Variants in ESR1 observed in about 807,000 individuals in gnomAD.
ESR1 encodes the protein estrogen receptor.
A neutral mutation model predicts 52.7 loss-of-function variants in ESR1; 12 were observed. The ratio of observed to expected loss-of-function variants is 0.23; its 90% CI spans 0.15 to 0.37. The LOEUF (loss-of-function observed/expected upper bound fraction) is 0.37, where lower values mean the gene tolerates loss of function less well. Among genes scored for constraint, ESR1 ranks in the 10% least tolerant of loss-of-function variants. The probability of loss-of-function intolerance (pLI) is 1.00; values close to 1 mark genes in which losing one functional copy is unlikely to be tolerated. For missense variants in ESR1, 584 were observed against 779.7 expected, an observed-to-expected ratio of 0.75 and a Z score of 2.99; for synonymous variants, 305 against 316.8, an observed-to-expected ratio of 0.96 and a Z score of 0.39.
chr6:151,899,318 C>T (rs1241001831), intron 3 of ESR1, among the ~76,000 whole-genome samples: 7 of 131,890 alleles, frequency 5.3e-5, no homozygotes, highest in African/African-American at 9.2e-5. Context: ...CCCCACCTCC[C>T]TCCCGGACGG....
At chr6:151,858,158 A>G (rs1788210822) in intron 2 of ESR1, among the ~76,000 whole-genome samples, 1 of 152,190 alleles carries the variant, frequency 6.6e-6, no homozygotes, top group African/African-American at 2.4e-5. Context: ...TTCATTATCC[A>G]TGAGCCCAAG....
rs769159395 is a variant in ESR1 at position 152,102,509 on chromosome 6, G to A, written c.*3543G>A. On this transcript the variant is annotated 3_prime_UTR_variant, in exon 8 of 8. Transcript: ENST00000206249. ...TCTCTTTGGTGCAGGTCTTGGGAGCGTGATCTAGATTACACTGCACCATTC... is the reference window on the plus strand; with the variant it reads ...TCTCTTTGGTGCAGGTCTTGGGAGCATGATCTAGATTACACTGCACCATTC... 9.5e-5 allele frequency: 20 copies of A among 209,742 alleles called. No homozygotes were observed. The highest frequency in any genetic ancestry group is 3.6e-4 in the African/African-American group (16 of 44,016). The allele number at this position is 209,742 out of a possible 1,614,324, so 13.0% of individuals were successfully genotyped here.
At chr6:152,038,610 AAATGCTGAT>A (rs1232250463) in intron 5 of ESR1, among the ~76,000 whole-genome samples, 1 of 152,234 alleles carries the variant, frequency 6.6e-6, no homozygotes, top group African/African-American at 2.4e-5. Flanking sequence ...AACAACACTT[AAATGCTGAT>A]ATGAAGTCAA....
chr6:151,978,143 G>A (rs1247302144), intron 4 of ESR1, among the ~76,000 whole-genome samples: 8 of 151,936 alleles, frequency 5.3e-5, no homozygotes, highest in Non-Finnish European at 7.4e-5. Context: ...AATGCACAAA[G>A]TCAACAGCTG....
At chr6:151,700,626 CCTG>C (rs1779697936) in intron 1 of ESR1, among the ~76,000 whole-genome samples, 1 of 151,252 alleles carries the variant, frequency 6.6e-6, no homozygotes, top group South Asian at 2.1e-4. Context: ...TTGGAGTGCA[CCTG>C]CTAATTCTGA....
rs112391637 is a variant in ESR1 at position 151,779,449 on chromosome 6, A to T, written c.-70-28394A>T. ...AAACCTCATTATCACTGGTCATTAG[A>T]GAAATGAAAATCAAAACCACAATGA... On this transcript the variant is annotated intron_variant, in intron 2 of 2. Coordinates refer to the ESR1 transcript ENST00000404742. 6.6e-4 allele frequency among the ~76,000 whole-genome samples: 101 copies of T among 152,350 alleles called. 1 individual carries two copies. The highest frequency in any genetic ancestry group is 2.4e-3 in the African/African-American group (100 of 41,584).
intron 2 of ESR1, among the ~76,000 whole-genome samples, chr6:151,736,747 CTAT>C (rs1418526152): frequency 1.3e-5 from 2 of 152,056 alleles, no homozygotes; most frequent in Non-Finnish European, 2.9e-5. Flanking sequence ...GTTGCAGTAA[CTAT>C]TATTATCCCC....
At chr6:151,775,988 T>C (rs1171331428) in intron 2 of ESR1, among the ~76,000 whole-genome samples, 1 of 152,154 alleles carries the variant, frequency 6.6e-6, no homozygotes, top group Non-Finnish European at 1.5e-5. Context: ...CAGTTTCATG[T>C]AAGAATGAAG....
chr6:152,121,396 A>G (rs140838748), intron 6 of ESR1, among the ~76,000 whole-genome samples: 12 of 152,266 alleles, frequency 7.9e-5, no homozygotes, highest in African/African-American at 2.9e-4. Flanking sequence ...AGCTCCTAGG[A>G]AGCCTCTCCC....
intron 1 of ESR1, among the ~76,000 whole-genome samples, chr6:151,695,457 A>G (rs563734066): frequency 5.6e-4 from 86 of 152,278 alleles, no homozygotes; most frequent in African/African-American, 2.0e-3. Flanking sequence ...CTGGAATAGG[A>G]GAGTGCCACT....
chr6:152,064,351 C>G (rs2047796173), intron 6 of ESR1, among the ~76,000 whole-genome samples: 1 of 152,208 alleles, frequency 6.6e-6, no homozygotes, highest in African/African-American at 2.4e-5. Flanking sequence ...CCACAGTATC[C>G]CCTCTGCCCA....
rs566213078 is a variant in ESR1 at position 151,778,773 on chromosome 6, C to T, written c.-70-29070C>T. ...TTGACAACTGTGAGATTTTGAATCT[C>T]AACTGTGAGATTATGGTTTGTGGAA... is the stretch of plus-strand genomic sequence containing the variant. On this transcript the variant is annotated intron_variant, in intron 2 of 2. Transcript: ENST00000404742. 7.9e-5 allele frequency among the ~76,000 whole-genome samples: 12 copies of T among 152,162 alleles called. No homozygotes were observed. The South Asian group carries it at 1.2e-3, about 16-fold the overall frequency.
intron 4 of ESR1, among the ~76,000 whole-genome samples, chr6:151,967,779 G>A (rs550896023): frequency 6.6e-6 from 1 of 152,240 alleles, no homozygotes; most frequent in African/African-American, 2.4e-5. Flanking sequence ...CACAATGGTT[G>A]ACTAATTTAC....
At chr6:151,902,117 T>C (rs563058460) in intron 3 of ESR1, among the ~76,000 whole-genome samples, 52 of 152,340 alleles carry the variant, frequency 3.4e-4, no homozygotes, top group African/African-American at 1.2e-3. Flanking sequence ...TACATGAAGG[T>C]GTTGTTGACA....
intron 2 of ESR1, among the ~76,000 whole-genome samples, chr6:151,747,205 G>A (rs1026138714): frequency 2.0e-5 from 3 of 152,110 alleles, no homozygotes; most frequent in Admixed American, 6.6e-5. Context: ...AGAACATTTC[G>A]TACCCAGAAA....
At chr6:151,711,817 A>G (rs920316146) in intron 2 of ESR1, among the ~76,000 whole-genome samples, 7 of 152,094 alleles carry the variant, frequency 4.6e-5, no homozygotes, top group African/African-American at 1.4e-4. Context: ...TGCTGATGAT[A>G]GTTTCTTTTG....
intron 1 of ESR1, among the ~76,000 whole-genome samples, chr6:151,836,742 T>G (rs779371299): frequency 6.6e-6 from 1 of 152,144 alleles, no homozygotes; most frequent in African/African-American, 2.4e-5. Flanking sequence ...GAATTTTGAG[T>G]GTACATAGCT....
intron 2 of ESR1, among the ~76,000 whole-genome samples, chr6:151,787,101 G>A (rs1307206149): frequency 6.6e-6 from 1 of 152,172 alleles, no homozygotes; most frequent in African/African-American, 2.4e-5. Context: ...GAGCCACCGT[G>A]CCTGGCTGCA....
At chr6:151,853,169 CAAAAAAAAAAAAAA>C (rs386408969) in intron 2 of ESR1, among the ~76,000 whole-genome samples, 4 of 42,878 alleles carry the variant, frequency 9.3e-5, no homozygotes, top group Non-Finnish European at 1.6e-4. Context: ...AGACTCGTCT[CAAAAAAAAAAAAAA>C]AAAAAAAAAA....
Sources: allele counts gnomAD v4.1 joint callset (sites outside exome capture counted in the v4.1 genomes callset), GRCh38; gene constraint gnomAD v4.1.1; transcripts MANE v1.5; gene names NCBI Gene and HGNC (gene_info 2026-07-23, HGNC 2026-07-21).